The following TMEM74 variants were observed in gnomAD, a reference collection of about 807,000 sequenced individuals.
TMEM74 encodes transmembrane protein 74.
A neutral mutation model predicts 18.1 loss-of-function variants in TMEM74; 13 were observed. The observed-to-expected ratio is 0.72, with a 90% CI of 0.47 to 1.14. The LOEUF (loss-of-function observed/expected upper bound fraction) is 1.14. TMEM74 is among the 50% of genes most tolerant of loss of function. The pLI is 0.00. For synonymous variants in TMEM74, 159 were observed against 146.6 expected (o/e 1.08, Z -0.61); for missense variants, 372 against 375.9 (o/e 0.99, Z 0.09).
At chr8:108,786,575 A>T (rs1263659753) in intron 1 of TMEM74, among the ~76,000 whole-genome samples, 3 of 152,228 alleles carry the variant, frequency 2.0e-5, no homozygotes, top group Admixed American at 1.3e-4. Flanking sequence ...AGCAAAACAG[A>T]AAACGTTTTT....
At chr8:108,772,472 A>T (rs1047212987) in intron 1 of TMEM74, among the ~76,000 whole-genome samples, 2 of 152,206 alleles carry the variant, frequency 1.3e-5, no homozygotes, top group African/African-American at 4.8e-5. Flanking sequence ...TTGGAAAGAA[A>T]TGACCAATGC....
chr8:108,700,805 TTTA>T (rs1813327714), intron 1 of TMEM74, among the ~76,000 whole-genome samples: 1 of 152,112 alleles, frequency 6.6e-6, no homozygotes, highest in South Asian at 2.1e-4. Flanking sequence ...CTGGCCCAGG[TTTA>T]CACAGCTGGA....
At chr8:108,665,411 A>G (rs1281523912) in intron 1 of TMEM74, among the ~76,000 whole-genome samples, 1 of 152,134 alleles carries the variant, frequency 6.6e-6, no homozygotes, top group Non-Finnish European at 1.5e-5. Flanking sequence ...AGGGAGAAAG[A>G]GTAGCAGGAA....
At chr8:108,658,057 A>T (rs1031058833) in intron 1 of TMEM74, among the ~76,000 whole-genome samples, 1 of 150,942 alleles carries the variant, frequency 6.6e-6, no homozygotes, top group Non-Finnish European at 1.5e-5. Context: ...AAGACCCCAA[A>T]TCATCGCAGA....
At chr8:108,763,249 G>A (rs1814065635) in intron 1 of TMEM74, among the ~76,000 whole-genome samples, 1 of 151,786 alleles carries the variant, frequency 6.6e-6, no homozygotes, top group African/African-American at 2.4e-5. Context: ...CCCACATAAA[G>A]TAGATGTTGT....
intron 1 of TMEM74, among the ~76,000 whole-genome samples, chr8:108,706,900 G>A (rs1281037614): frequency 6.6e-6 from 1 of 151,814 alleles, no homozygotes; most frequent in East Asian, 1.9e-4. Context: ...AAGTCACAGG[G>A]GCAGTAGATG....
Position 108,785,114 on chromosome 8 carries a change from A to G in TMEM74, c.-16T>C. 1.3e-6 allele frequency: 2 copies of G among 1,564,170 alleles called. No individual in the cohort carries two copies. Among genetic ancestry groups the G allele is most frequent in the Non-Finnish European group, 1.7e-6 (2 of 1,158,674 alleles). On this transcript the variant is annotated 5_prime_UTR_variant, in exon 2 of 2. An upstream start codon of the reference 5' UTR is lost. Coordinates refer to ENST00000297459, the MANE Select transcript of TMEM74 (RefSeq NM_153015.3). ...GGAGCTCCATGAGAGCTAGTCAGAC[A>G]TCCCCCAGCAGCTTCCGGAAAGTCT...
In TMEM74 at chr8:108,654,886, C is replaced by T. The variant is rs549059333; in HGVS notation, n.264+407G>A. Among the ~76,000 whole-genome samples the T allele has an allele frequency of 7.2e-5, 11 of 152,094 alleles. 1 individual carries two copies. The South Asian group carries it at 2.3e-3, about 32-fold the overall frequency. On this transcript the variant is annotated intron_variant and non_coding_transcript_variant, in intron 2 of 3. Transcript: ENST00000518838. ...TATTGTTTTTCATCACATTTAGTTC[C>T]ATCGTATACTGTATGGTCTAATTAC...
intron 1 of TMEM74, among the ~76,000 whole-genome samples, chr8:108,771,633 T>A (rs1367237415): frequency 6.6e-6 from 1 of 152,202 alleles, no homozygotes; most frequent in Non-Finnish European, 1.5e-5. Context: ...TTTCTCCAGA[T>A]TCTTAAGAAT....
intron 1 of TMEM74, among the ~76,000 whole-genome samples, chr8:108,660,846 T>C (rs1384477435): frequency 2.0e-5 from 3 of 152,152 alleles, no homozygotes; most frequent in African/African-American, 7.2e-5. Flanking sequence ...ATTTTGTATA[T>C]TTGTAGCTCC....
intron 1 of TMEM74, among the ~76,000 whole-genome samples, chr8:108,710,069 A>G (rs1000461176): frequency 2.0e-5 from 3 of 152,234 alleles, no homozygotes; most frequent in African/African-American, 7.2e-5. Context: ...TGGGGATAAT[A>G]ACAGGATTAC....
At chr8:108,652,893 C>A in intron 2 of TMEM74, 1 of 491,838 alleles carries the variant, frequency 2.0e-6, no homozygotes, top group Non-Finnish European at 4.0e-6. Flanking sequence ...TCACTGGATT[C>A]ACAGTAGACA....
intron 2 of TMEM74, among the ~76,000 whole-genome samples, chr8:108,647,204 C>T (rs1334945791): frequency 3.3e-5 from 5 of 152,100 alleles, no homozygotes; most frequent in African/African-American, 1.2e-4. Flanking sequence ...TAAGACCTTC[C>T]TGGAAACATC....
At chr8:108,759,819 G>A (rs777655795) in intron 1 of TMEM74, among the ~76,000 whole-genome samples, 5 of 152,076 alleles carry the variant, frequency 3.3e-5, no homozygotes, top group Admixed American at 6.6e-5. Context: ...TACAAAAATG[G>A]GTAAGATAAA....
At chr8:108,643,253 G>A (rs1812683954) in intron 2 of TMEM74, among the ~76,000 whole-genome samples, 1 of 152,186 alleles carries the variant, frequency 6.6e-6, no homozygotes, top group Non-Finnish European at 1.5e-5. Flanking sequence ...TTCTGATTCA[G>A]TGCATCTGGG....
intron 2 of TMEM74, among the ~76,000 whole-genome samples, chr8:108,651,699 C>T (rs1288478730): frequency 6.6e-6 from 1 of 151,938 alleles, no homozygotes; most frequent in Non-Finnish European, 1.5e-5. Flanking sequence ...GTCAGCTTAT[C>T]TTCCTGGTGG....
chr8:108,712,486 T>A (rs1394868333), intron 1 of TMEM74, among the ~76,000 whole-genome samples: 1 of 152,162 alleles, frequency 6.6e-6, no homozygotes, highest in Non-Finnish European at 1.5e-5. Context: ...CATGCTGCTC[T>A]AGCACTGGCA....
chr8:108,660,178 C>T (rs1414099780), intron 1 of TMEM74, among the ~76,000 whole-genome samples: 2 of 152,136 alleles, frequency 1.3e-5, no homozygotes, highest in African/African-American at 4.8e-5. Flanking sequence ...TGTTATCTCT[C>T]TCCCACCCCA....
At chr8:108,652,610 T>A in intron 2 of TMEM74, 1 of 623,864 alleles carries the variant, frequency 1.6e-6, no homozygotes, top group Non-Finnish European at 3.0e-6. Context: ...TGGGAAAAGA[T>A]AGTTGCAGTA....
Sources: gnomAD v4.1 joint callset for allele counts (sites outside exome capture counted in the v4.1 genomes callset) on GRCh38, gnomAD v4.1.1 for gene constraint, MANE v1.5 for transcripts, NCBI Gene and HGNC (gene_info 2026-07-23, HGNC 2026-07-21) for gene names.